The following XKR3 variants were observed in gnomAD, a reference collection of about 807,000 sequenced individuals.
XKR3 encodes the protein XK-related protein 3.
In XKR3, 27 loss-of-function variants were observed where a neutral mutation model predicts 40.3. The observed-to-expected ratio is 0.67, with a 90% CI of 0.49 to 0.92. The LOEUF is 0.92. Ranked by LOEUF, XKR3 falls within the 40% of genes least tolerant of loss-of-function variation. The pLI is 0.00. For synonymous variants in XKR3, 193 were observed against 195.4 expected, an observed-to-expected ratio of 0.99 and a Z score of 0.10; for missense variants, 472 against 537.6, an observed-to-expected ratio of 0.88 and a Z score of 1.21.
chr22:16,821,913 G>A (rs5016128), intron 1 of XKR3, among the ~76,000 whole-genome samples: 91,046 of 151,792 alleles, frequency 0.6, 27,419 homozygotes, highest in African/African-American at 0.61. Context: ...TAACATACTC[G>A]TTCTGGGCAT....
chr22:16,809,339 G>C (rs144809884), intron 1 of XKR3, among the ~76,000 whole-genome samples: 47 of 151,670 alleles, frequency 3.1e-4, no homozygotes, highest in African/African-American at 1.1e-3. Context: ...TTTCTCTTTT[G>C]TGTAATTTAT....
chr22:16,809,738 T>C (rs2060205188), intron 1 of XKR3, among the ~76,000 whole-genome samples: 1 of 152,198 alleles, frequency 6.6e-6, no homozygotes, highest in Non-Finnish European at 1.5e-5. Flanking sequence ...TTTTGCCAAA[T>C]ATAATAGTTT....
intron 1 of XKR3, among the ~76,000 whole-genome samples, chr22:16,821,212 C>G (rs1187364953): frequency 1.3e-5 from 2 of 152,000 alleles, no homozygotes; most frequent in East Asian, 3.9e-4. Context: ...ATAGCATTGA[C>G]CTTAACTGAA....
intron 3 of XKR3, among the ~76,000 whole-genome samples, chr22:16,792,334 A>T (rs1391035013): frequency 5.9e-5 from 9 of 152,222 alleles, no homozygotes; most frequent in East Asian, 5.8e-4. Flanking sequence ...GAACCTTGTT[A>T]AAAAAATTAG....
intron 3 of XKR3, among the ~76,000 whole-genome samples, chr22:16,795,213 T>C (rs2060135498): frequency 6.6e-6 from 1 of 152,148 alleles, no homozygotes; most frequent in Non-Finnish European, 1.5e-5. Context: ...ACACTCTTGG[T>C]CCACGGTGCA....
intron 3 of XKR3, among the ~76,000 whole-genome samples, chr22:16,788,753 G>A (rs1217818327): frequency 6.6e-6 from 1 of 152,008 alleles, no homozygotes; most frequent in Non-Finnish European, 1.5e-5. Context: ...AGAATACTGG[G>A]AAACTGAGTT....
At chr22:16,799,083 C>T (rs2060155013) in intron 3 of XKR3, among the ~76,000 whole-genome samples, 1 of 152,090 alleles carries the variant, frequency 6.6e-6, no homozygotes, top group Non-Finnish European at 1.5e-5. Flanking sequence ...GTCTTAGGCA[C>T]ATTCTCACTT....
chr22:16,787,817 A>G (rs1297329660), intron 3 of XKR3, among the ~76,000 whole-genome samples: 2 of 152,006 alleles, frequency 1.3e-5, no homozygotes, highest in East Asian at 3.8e-4. Flanking sequence ...AGGAATATAC[A>G]TATATATTTA....
At position 16,804,176 on chromosome 22, in the gene XKR3, G is replaced by GA. The variant is rs201231338; in HGVS notation, c.335+3562dup. On this transcript the variant is annotated intron_variant, in intron 2 of 3. Transcript: ENST00000684488. ...CAGACTAGGAAAAGCCATCAATTAAGAAAAAAAAAGCTAGTACAATATTTC... is the reference window on the plus strand; with the variant it reads ...CAGACTAGGAAAAGCCATCAATTAAGAAAAAAAAAAGCTAGTACAATATTTC... 6.0e-3 allele frequency among the ~76,000 whole-genome samples: 900 copies of GA among 150,818 alleles called. 8 individuals carry two copies. Among genetic ancestry groups the GA allele is most frequent in the African/African-American group, 0.019 (790 of 41,134 alleles).
At chr22:16,806,277 A>C (rs1280495340) in intron 2 of XKR3, among the ~76,000 whole-genome samples, 1 of 138,374 alleles carries the variant, frequency 7.2e-6, no homozygotes, top group Non-Finnish European at 1.5e-5. Context: ...AAAAAGAAAA[A>C]AGTCAATTAA....
chr22:16,817,674 C>G (rs1000349432), intron 1 of XKR3, among the ~76,000 whole-genome samples: 7 of 152,180 alleles, frequency 4.6e-5, no homozygotes, highest in African/African-American at 1.7e-4. Context: ...TTTCAATGAA[C>G]TATCCAGTTT....
chr22:16,796,509 C>T (rs2060141526), intron 3 of XKR3, among the ~76,000 whole-genome samples: 1 of 152,156 alleles, frequency 6.6e-6, no homozygotes, highest in South Asian at 2.1e-4. Flanking sequence ...TAGTACACCA[C>T]AATCACAGTA....
chr22:16,817,107 A>G (rs186981079), intron 1 of XKR3, among the ~76,000 whole-genome samples: 4 of 152,180 alleles, frequency 2.6e-5, no homozygotes, highest in Admixed American at 2.6e-4. Context: ...CTATACAAGA[A>G]ACAAAGAAAC....
chr22:16,794,921 A>G (rs2060134338), intron 3 of XKR3, among the ~76,000 whole-genome samples: 1 of 152,244 alleles, frequency 6.6e-6, no homozygotes, highest in African/African-American at 2.4e-5. Context: ...AGGTCATTAC[A>G]TAATAATAAT....
intron 1 of XKR3, 36 bp from the exon 2 acceptor site, chr22:16,808,119 T>C (rs1250350424): frequency 3.5e-6 from 5 of 1,440,730 alleles, no homozygotes; most frequent in Admixed American, 2.2e-5. Flanking sequence ...GTGAATCCAG[T>C]AGAGTTCAGT....
intron 1 of XKR3, among the ~76,000 whole-genome samples, chr22:16,815,722 A>T (rs1320621115): frequency 6.6e-6 from 1 of 152,028 alleles, no homozygotes; most frequent in Non-Finnish European, 1.5e-5. Flanking sequence ...CCTATTAACA[A>T]CTAAATGTCT....
At chr22:16,804,097 T>A (rs1812096250) in intron 2 of XKR3, among the ~76,000 whole-genome samples, 1 of 152,092 alleles carries the variant, frequency 6.6e-6, no homozygotes, top group South Asian at 2.1e-4. Context: ...AAAAAATCAT[T>A]TTGCAAAATC....
chr22:16,811,736 CGGT>C (rs2060213694), intron 1 of XKR3, among the ~76,000 whole-genome samples: 1 of 152,112 alleles, frequency 6.6e-6, no homozygotes, highest in Admixed American at 6.5e-5. Context: ...TGGCCGGGCA[CGGT>C]GGCTCACGCC....
intron 3 of XKR3, among the ~76,000 whole-genome samples, chr22:16,785,835 G>A (rs1342978019): frequency 7.2e-5 from 11 of 152,068 alleles, no homozygotes; most frequent in Non-Finnish European, 1.2e-4. Context: ...GCGACAGAGC[G>A]AGACTCCATC....
Sources: allele counts gnomAD v4.1 joint callset (sites outside exome capture counted in the v4.1 genomes callset), GRCh38; gene constraint gnomAD v4.1.1; transcripts MANE v1.5; gene names NCBI Gene and HGNC (gene_info 2026-07-23, HGNC 2026-07-21).